ZMYM2: variants seen among roughly 807,000 people sequenced by gnomAD.
ZMYM2 encodes the protein zinc finger MYM-type protein 2.
Under a neutral mutation model 162.8 loss-of-function variants are expected in ZMYM2, and 56 were observed. That is an observed-to-expected ratio of 0.34 (90% CI 0.28 to 0.43). The LOEUF (loss-of-function observed/expected upper bound fraction) is 0.43. Ranked by LOEUF, ZMYM2 falls within the 20% of genes least tolerant of loss-of-function variation. The probability of loss-of-function intolerance (pLI) is 1.00; values close to 1 mark genes in which losing one functional copy is unlikely to be tolerated. For synonymous variants in ZMYM2, 510 were observed against 541.6 expected, an observed-to-expected ratio of 0.94 and a Z score of 0.81; for missense variants, 1,275 against 1,621.8, an observed-to-expected ratio of 0.79 and a Z score of 3.67.
Position 20,061,040 on chromosome 13 carries a change from T to A in ZMYM2, c.2740-13T>A. The A allele has an allele frequency of 3.8e-6, 6 of 1,599,404 alleles. No individual in the cohort carries two copies. The highest frequency in any genetic ancestry group is 5.1e-6 in the Non-Finnish European group (6 of 1,172,494). On this transcript the variant is annotated splice_polypyrimidine_tract_variant and intron_variant, in intron 16 of 24. Coordinates refer to ENST00000610343, the MANE Select transcript of ZMYM2 (RefSeq NM_197968.4). ...GTTTAGTAAACCTAACTCAAAATGA[T>A]TTGGTTAATTAGGTGCCAGTTCCTG...
chr13:19,973,640 C>A (rs1369390993), intron 2 of ZMYM2, among the ~76,000 whole-genome samples: 1 of 136,420 alleles, frequency 7.3e-6, no homozygotes, highest in Non-Finnish European at 1.5e-5. Flanking sequence ...CACTGCACTC[C>A]AGGCTGGGTG....
chr13:19,995,240 T>C (rs981764304), intron 3 of ZMYM2, among the ~76,000 whole-genome samples: 3 of 152,080 alleles, frequency 2.0e-5, no homozygotes, highest in Non-Finnish European at 2.9e-5. Flanking sequence ...TAAAACTACT[T>C]TAAAGTTATG....
chr13:19,911,871 A>G, the ZMYM2 span, among the ~76,000 whole-genome samples: 2 of 152,216 alleles, frequency 1.3e-5, no homozygotes, highest in Non-Finnish European at 2.9e-5. Flanking sequence ...ATAAAGCAAA[A>G]GCAAAAACAC....
At chr13:19,893,128 A>G in the ZMYM2 span, among the ~76,000 whole-genome samples, 9 of 151,948 alleles carry the variant, frequency 5.9e-5, 1 homozygote, top group Admixed American at 5.9e-4. Context: ...ACTGAACTGT[A>G]CACTTAAAAA....
intron 6 of ZMYM2, among the ~76,000 whole-genome samples, chr13:20,007,780 T>C (rs1457341618): frequency 6.6e-6 from 1 of 151,372 alleles, no homozygotes; most frequent in Non-Finnish European, 1.5e-5. Flanking sequence ...ACCACCACGC[T>C]GAGCTAATTT....
chr13:19,999,359 C>T (rs1181294599), intron 3 of ZMYM2, among the ~76,000 whole-genome samples: 1 of 152,158 alleles, frequency 6.6e-6, no homozygotes, highest in African/African-American at 2.4e-5. Context: ...TGGTAATTCT[C>T]ACAATATTTC....
In ZMYM2 at chr13:19,958,783, C is replaced by G. The variant is rs1954765823; in HGVS notation, c.-138C>G. ...GACCGAGCGGAGTTGTGCGTGTCGC[C>G]GAAGGGGGGTGGGCCGGGGGAGGGG... On this transcript the variant is annotated 5_prime_UTR_variant, in exon 1 of 25. Coordinates refer to ENST00000610343, the MANE Select transcript of ZMYM2 (RefSeq NM_197968.4). 1 of 125,994 alleles carries G rather than the reference C, an allele frequency of 7.9e-6. No individual in the cohort carries two copies. Among genetic ancestry groups the G allele is most frequent in the African/African-American group, 3.0e-5 (1 of 32,842 alleles). The allele number at this position is 125,994 out of a possible 1,614,324, so 7.8% of individuals were successfully genotyped here.
intron 3 of ZMYM2, among the ~76,000 whole-genome samples, chr13:20,000,317 T>G (rs1462146058): frequency 6.6e-6 from 1 of 152,218 alleles, no homozygotes; most frequent in African/African-American, 2.4e-5. Flanking sequence ...CTCCATAACA[T>G]AAACGTGCAA....
At chr13:19,906,937 G>A in the ZMYM2 span, among the ~76,000 whole-genome samples, 1 of 152,004 alleles carries the variant, frequency 6.6e-6, no homozygotes, top group Non-Finnish European at 1.5e-5. Flanking sequence ...TGTTGCCCAG[G>A]CTGGTCTCAA....
At chr13:20,041,435 T>C (rs1954238656) in intron 12 of ZMYM2, among the ~76,000 whole-genome samples, 1 of 152,198 alleles carries the variant, frequency 6.6e-6, no homozygotes, top group African/African-American at 2.4e-5. Flanking sequence ...ATTTTGAGCC[T>C]ATGTGTGTCA....
the ZMYM2 span, among the ~76,000 whole-genome samples, chr13:19,927,824 A>C: frequency 6.6e-6 from 1 of 152,272 alleles, no homozygotes; most frequent in East Asian, 1.9e-4. Context: ...GAATAACTTA[A>C]ATTTCTCATC....
At chr13:19,876,627 A>C in the ZMYM2 span, among the ~76,000 whole-genome samples, 1 of 152,022 alleles carries the variant, frequency 6.6e-6, no homozygotes, top group Admixed American at 6.6e-5. Flanking sequence ...CTGGCCTAAA[A>C]TTTTTCAAAA....
At chr13:19,992,014 A>G (rs1178817008) in intron 2 of ZMYM2, among the ~76,000 whole-genome samples, 2 of 152,058 alleles carry the variant, frequency 1.3e-5, no homozygotes, top group African/African-American at 2.4e-5. Context: ...AATCCTTAAC[A>G]TTAATCATAT....
rs146086594 is a variant in ZMYM2 at position 20,032,275 on chromosome 13, A to G, written c.1968+840A>G. ...TACTGATTTGCTTTGACATGTCTCC[A>G]TTAGCAATAACGCTGATGATTGACT... On this transcript the variant is annotated intron_variant, in intron 10 of 24. Coordinates refer to ENST00000610343, the MANE Select transcript of ZMYM2 (RefSeq NM_197968.4). Among the ~76,000 whole-genome samples the G allele has an allele frequency of 1.0e-3, 157 of 152,156 alleles. 1 individual carries two copies. In the East Asian group the frequency reaches 0.021, roughly 21 times the overall value.
the ZMYM2 span, among the ~76,000 whole-genome samples, chr13:19,881,980 C>CAAAAA: frequency 8.2e-6 from 1 of 121,736 alleles, no homozygotes; most frequent in African/African-American, 3.1e-5. Flanking sequence ...ACTCTGTATC[C>CAAAAA]AAAAAAAAAA....
Position 20,005,104 on chromosome 13 carries a change from T to G in ZMYM2, c.1164T>G (p.Val388=). The change falls in exon 5 of 25, where the codon GTT becomes GTG. Residue 388 remains valine (V), a synonymous_variant. Coordinates refer to ENST00000610343, the MANE Select transcript of ZMYM2 (RefSeq NM_197968.4). ...TAACTACAATGAAAGGAACCATTGT[T>G]GCTCAAGTGGATTCAAGTGAGTCCT... ...KDITTMKGTI[V]AQVDSSESFQ... is the part of the protein sequence containing the mutation. 6.2e-7 allele frequency: 1 copy of G among 1,607,700 alleles called. No homozygotes were observed. The highest frequency in any genetic ancestry group is 8.5e-7 in the Non-Finnish European group (1 of 1,178,006).
At chr13:19,880,983 G>A in the ZMYM2 span, among the ~76,000 whole-genome samples, 7 of 151,482 alleles carry the variant, frequency 4.6e-5, no homozygotes, top group Non-Finnish European at 8.8e-5. Flanking sequence ...CCACCTCCCA[G>A]GTTCAAGCAA....
At chr13:20,032,639 C>A (rs1487088620) in intron 10 of ZMYM2, among the ~76,000 whole-genome samples, 1 of 111,872 alleles carries the variant, frequency 8.9e-6, no homozygotes, top group Admixed American at 1.3e-4. Context: ...GATGGAGTCT[C>A]GCTCTGTTGC....
At chr13:19,895,835 A>G in the ZMYM2 span, among the ~76,000 whole-genome samples, 1 of 151,914 alleles carries the variant, frequency 6.6e-6, no homozygotes, top group Middle Eastern at 3.4e-3. Flanking sequence ...GCACATTACT[A>G]TTCACAATAG....
Sources: allele counts gnomAD v4.1 joint callset (sites outside exome capture counted in the v4.1 genomes callset), GRCh38; gene constraint gnomAD v4.1.1; transcripts MANE v1.5; gene names NCBI Gene and HGNC (gene_info 2026-07-23, HGNC 2026-07-21).